BMF: variants seen among roughly 807,000 people sequenced by gnomAD.
BMF encodes the protein Bcl2 modifying factor.
Under a neutral mutation model 22.0 loss-of-function variants are expected in BMF, and 10 were observed. The ratio of observed to expected loss-of-function variants is 0.45; its 90% CI spans 0.28 to 0.77. BMF has a LOEUF of 0.77. Among genes scored for constraint, BMF ranks in the 30% least tolerant of loss-of-function variants. BMF has a pLI of 0.13. For missense variants in BMF, 206 were observed against 226.8 expected, an observed-to-expected ratio of 0.91 and a Z score of 0.59; for synonymous variants, 87 against 88.1, an observed-to-expected ratio of 0.99 and a Z score of 0.07.
rs1362441353 is a variant in BMF at position 40,106,667 on chromosome 15, A to G, written c.-5-576T>C. 6.6e-6 allele frequency: 1 copy of G among 152,468 alleles called. No homozygotes were observed. Among genetic ancestry groups the G allele is most frequent in the African/African-American group, 2.4e-5 (1 of 41,430 alleles). The allele number at this position is 152,468 out of a possible 1,614,324, so 9.4% of individuals were successfully genotyped here. On this transcript the variant is annotated intron_variant, in intron 2 of 4. Coordinates refer to ENST00000354670, the MANE Select transcript of BMF (RefSeq NM_001003940.2). The surrounding 1 kb of genome is among the most constrained non-coding windows in gnomAD (Gnocchi z 4.1). ...CAGCCAGGTTCCCTCCAAACCTCTAAGCCCCGCCCTGCTGCCCATCTACTC... is the reference window on the plus strand; with the variant it reads ...CAGCCAGGTTCCCTCCAAACCTCTAGGCCCCGCCCTGCTGCCCATCTACTC...
chr15:40,106,549 C>G lies in BMF; in HGVS notation c.-5-458G>C, dbSNP rs2036593079. The G allele has an allele frequency of 7.4e-6, 1 of 135,086 alleles. No homozygotes were observed. Among genetic ancestry groups the G allele is most frequent in the Non-Finnish European group, 1.5e-5 (1 of 68,244 alleles). 8.4% of individuals were successfully genotyped at this position (135,086 alleles called of 1,614,324 possible). ...ACACACACACACACACACACACACA[C>G]ACATACAGAGTCATTGTCCCAAGGA... On this transcript the variant is annotated intron_variant, in intron 2 of 4. Coordinates refer to ENST00000354670, the MANE Select transcript of BMF (RefSeq NM_001003940.2). The surrounding 1 kb of genome is among the most constrained non-coding windows in gnomAD (Gnocchi z 4.1).
intron 3 of BMF, 62 bp downstream of exon 3, chr15:40,105,733 G>A: frequency 6.6e-7 from 1 of 1,514,680 alleles, no homozygotes; most frequent in Non-Finnish European, 8.9e-7. Context: ...GGTTTGGGGA[G>A]GGAAAGTCCC....
chr15:40,091,987 C>A (rs768372457), intron 4 of BMF, 99 bp from the exon 5 acceptor site: 31 of 922,866 alleles, frequency 3.4e-5, no homozygotes, highest in Non-Finnish European at 5.0e-5. Flanking sequence ...CCAAGTCTCA[C>A]GGCTGGCACT....
intron 4 of BMF, among the ~76,000 whole-genome samples, chr15:40,101,729 C>T (rs1013785243): frequency 6.6e-6 from 1 of 152,174 alleles, no homozygotes; most frequent in Admixed American, 6.5e-5. Flanking sequence ...CTTAGCCCTT[C>T]CTGCAGGATG....
Position 40,106,931 on chromosome 15 carries a change from G to A in BMF, c.-5-840C>T, listed in dbSNP as rs148426594. ...CAAATCCCTGATTCCACAGCCTCCC[G>A]CTCCTGCCAGCTCTGAACCTGAGAC... On this transcript the variant is annotated intron_variant, in intron 2 of 4. Transcript: ENST00000354670. This position sits in a 1 kb window ranked among gnomAD's most constrained non-coding sequence, Gnocchi z 4.1. Among the ~76,000 whole-genome samples, 1,089 of 152,216 alleles carry A rather than the reference G, an allele frequency of 7.2e-3. 14 individuals are homozygous for A. The highest frequency in any genetic ancestry group is 0.025 in the African/African-American group (1,026 of 41,514).
chr15:40,099,557 T>A (rs1037147404), intron 4 of BMF, among the ~76,000 whole-genome samples: 3 of 151,998 alleles, frequency 2.0e-5, no homozygotes, highest in African/African-American at 7.3e-5. Flanking sequence ...GATGGGCGGA[T>A]CGCCTGAGGT....
rs2036192260 is a variant in BMF, at chr15:40,089,335, C to A, written c.*2452G>T. 2 of 152,382 alleles carry A rather than the reference C, an allele frequency of 1.3e-5. No homozygotes were observed. Among genetic ancestry groups the A allele is most frequent in the Admixed American group, 6.5e-5 (1 of 15,306 alleles). 9.4% of individuals were successfully genotyped at this position (152,382 alleles called of 1,614,324 possible). A position where few individuals can be genotyped will look rare whatever the true frequency, so the allele number is the denominator to read the frequency against. ...ATTAAAAACAACCAGCCAGAAAGAACCTTTCTCCTTCCTGACAGCTACTCT... is the reference window on the plus strand; with the variant it reads ...ATTAAAAACAACCAGCCAGAAAGAAACTTTCTCCTTCCTGACAGCTACTCT... On this transcript the variant is annotated 3_prime_UTR_variant, in exon 5 of 5. Transcript: ENST00000354670.
At chr15:40,095,335 G>A (rs2036334423) in intron 4 of BMF, among the ~76,000 whole-genome samples, 1 of 152,238 alleles carries the variant, frequency 6.6e-6, no homozygotes, top group Non-Finnish European at 1.5e-5. Context: ...GACTTGAAGG[G>A]AGGCCAGTGG....
rs2036600873 is a variant in BMF at position 40,106,991 on chromosome 15, C to T, written c.-5-900G>A. Among the ~76,000 whole-genome samples, 1 of 152,192 alleles carries T rather than the reference C, an allele frequency of 6.6e-6. No individual in the cohort carries two copies. Among genetic ancestry groups the T allele is most frequent in the South Asian group, 2.1e-4 (1 of 4,822 alleles). ...TGGTCTTACAGAAGGAAGTGAAATTCAGCCCTCTCCCTGTGACCTCACTCA... is the reference window on the plus strand; with the variant it reads ...TGGTCTTACAGAAGGAAGTGAAATTTAGCCCTCTCCCTGTGACCTCACTCA... On this transcript the variant is annotated intron_variant, in intron 2 of 4. Transcript: ENST00000354670. This position sits in a 1 kb window ranked among gnomAD's most constrained non-coding sequence, Gnocchi z 4.1.
intron 4 of BMF, among the ~76,000 whole-genome samples, chr15:40,093,041 A>T (rs1202535581): frequency 1.3e-5 from 2 of 152,200 alleles, no homozygotes; most frequent in Non-Finnish European, 2.9e-5. Flanking sequence ...CCACCAGGCA[A>T]CTACTCCTGG....
At chr15:40,104,618 G>A (rs940773960) in intron 3 of BMF, among the ~76,000 whole-genome samples, 2 of 152,132 alleles carry the variant, frequency 1.3e-5, no homozygotes, top group African/African-American at 4.8e-5. Flanking sequence ...GTGTGCAGGC[G>A]AACATGCCAG....
intron 4 of BMF, among the ~76,000 whole-genome samples, chr15:40,092,128 T>C (rs555212540): frequency 6.6e-6 from 1 of 152,186 alleles, no homozygotes; most frequent in African/African-American, 2.4e-5. Context: ...CTAGGCTCTA[T>C]ATGCACTATG....
At chr15:40,107,522 C>T (rs1473461937) in intron 2 of BMF, among the ~76,000 whole-genome samples, 1 of 141,412 alleles carries the variant, frequency 7.1e-6, no homozygotes, top group South Asian at 2.3e-4. Flanking sequence ...TTCTTTGGAC[C>T]GTGTTTCCCA....
intron 4 of BMF, among the ~76,000 whole-genome samples, chr15:40,102,548 T>C (rs2141039618): frequency 6.6e-6 from 1 of 152,054 alleles, no homozygotes; most frequent in Non-Finnish European, 1.5e-5. Flanking sequence ...GCTCCCGGCC[T>C]ATTCCCAAGC....
At chr15:40,095,529 C>T (rs763583459) in intron 4 of BMF, among the ~76,000 whole-genome samples, 2 of 152,170 alleles carry the variant, frequency 1.3e-5, no homozygotes, top group Non-Finnish European at 2.9e-5. Context: ...GCACCCAGCG[C>T]ACAATCTGAG....
chr15:40,100,488 G>A (rs1471232427), intron 4 of BMF, among the ~76,000 whole-genome samples: 9 of 152,238 alleles, frequency 5.9e-5, no homozygotes, highest in Admixed American at 3.3e-4. Context: ...AGGAAGGTGG[G>A]ATGTGTGGTG....
At position 40,089,734 on chromosome 15, in the gene BMF, A is replaced by G. The variant is rs1311877164; in HGVS notation, c.*2053T>C. On this transcript the variant is annotated 3_prime_UTR_variant, in exon 5 of 5. Coordinates refer to ENST00000354670, the MANE Select transcript of BMF (RefSeq NM_001003940.2). ...GTTTTTTGGTGTGTGCCACTGAAGC[A>G]TACGGCAGCAGGCTGCCTGTCACCA... 1 of 152,298 alleles carries G rather than the reference A, an allele frequency of 6.6e-6. No homozygotes were observed. The highest frequency in any genetic ancestry group is 1.5e-5 in the Non-Finnish European group (1 of 68,064). 9.4% of individuals were successfully genotyped at this position (152,298 alleles called of 1,614,324 possible).
Position 40,088,964 on chromosome 15 carries a change from A to G in BMF, c.*2823T>C. On this transcript the variant is annotated 3_prime_UTR_variant, in exon 5 of 5. Coordinates refer to ENST00000354670, the MANE Select transcript of BMF (RefSeq NM_001003940.2). ...AACCCCTGCTTTGGGGTTGTGAATT[A>G]GAAGGGCTGTTTTGACCCTGAATAT... 1 of 152,846 alleles carries G rather than the reference A, an allele frequency of 6.5e-6. No individual in the cohort carries two copies. The allele number at this position is 152,846 out of a possible 1,614,324, so 9.5% of individuals were successfully genotyped here.
intron 4 of BMF, among the ~76,000 whole-genome samples, chr15:40,092,849 CAGG>C (rs1027281369): frequency 5.9e-5 from 9 of 151,804 alleles, no homozygotes; most frequent in African/African-American, 1.7e-4. Flanking sequence ...TCTGCCAGGG[CAGG>C]AGGACTGGGC....
Sources: allele counts gnomAD v4.1 joint callset (sites outside exome capture counted in the v4.1 genomes callset), GRCh38; gene constraint gnomAD v4.1.1; non-coding constraint Gnocchi (gnomAD v3.1); transcripts MANE v1.5; gene names NCBI Gene and HGNC (gene_info 2026-07-23, HGNC 2026-07-21).